Variants in PAXX observed in about 807,000 individuals in gnomAD.
PAXX encodes the protein protein PAXX.
A neutral mutation model predicts 25.6 loss-of-function variants in PAXX; 27 were observed. The observed-to-expected ratio is 1.06, with a 90% confidence interval of 0.78 to 1.46. PAXX has a LOEUF of 1.46. Among genes scored for constraint, PAXX ranks in the 40% most tolerant of loss-of-function variants. PAXX has a pLI of 0.00. For synonymous variants in PAXX, 126 were observed against 125.7 expected, an observed-to-expected ratio of 1.00 and a Z score of -0.02; for missense variants, 295 against 280.2, an observed-to-expected ratio of 1.05 and a Z score of -0.38.
chr9:136,993,474 C>T, intron 5 of PAXX, 63 bp downstream of exon 5: 1 of 1,596,088 alleles, frequency 6.3e-7, no homozygotes, highest in South Asian at 1.1e-5. Context: ...CTCAGTTTCC[C>T]CCCAAACAAG....
Position 136,993,248 on chromosome 9 carries a change from G to C in PAXX, c.421+5G>C. On this transcript the variant is annotated splice_donor_5th_base_variant and intron_variant, in intron 4 of 6. Coordinates refer to ENST00000371620, the MANE Select transcript of PAXX (RefSeq NM_183241.3). ...GCCTGGAGCGGCGACTGGCAGGTAGGATTGGGGGTGGGCACCTCATACCTT... is the reference window on the plus strand; with the variant it reads ...GCCTGGAGCGGCGACTGGCAGGTAGCATTGGGGGTGGGCACCTCATACCTT... The C allele has an allele frequency of 1.3e-6, 2 of 1,545,332 alleles. No individual in the cohort carries two copies. Among genetic ancestry groups the C allele is most frequent in the Non-Finnish European group, 1.7e-6 (2 of 1,149,066 alleles).
chr9:136,993,496 A>G, intron 5 of PAXX, 84 bp from the exon 6 acceptor site: 1 of 1,599,362 alleles, frequency 6.3e-7, no homozygotes, highest in East Asian at 2.2e-5. Flanking sequence ...CTCACGCTCC[A>G]GAGAGAATGC....
rs2131408670 is a variant in PAXX at position 136,993,907 on chromosome 9, TG to T, written c.*103del. 8.4e-7 allele frequency: 1 copy of T among 1,186,056 alleles called. No individual in the cohort carries two copies. The highest frequency in any genetic ancestry group is 2.5e-5 in the East Asian group (1 of 40,054). 73.5% of individuals were successfully genotyped at this position (1,186,056 alleles called of 1,614,324 possible). On this transcript the variant is annotated 3_prime_UTR_variant, in exon 7 of 7. Transcript: ENST00000371620. The stretch of plus-strand genomic sequence containing the variant: ...CCCCCCGCCACCACCTCCACCTGCC[TG>T]TCCTGGGCCAGGACTAACACGGCTC...
chr9:136,992,548 C>G lies in PAXX; in HGVS notation c.105C>G (p.Gly35=). ...AGGAAAGCGGGGAGGGGGACCGCGGCGGCTTCAACCTCTAGTGAGTGGGGG... is the reference window on the plus strand; with the variant it reads ...AGGAAAGCGGGGAGGGGGACCGCGGGGGCTTCAACCTCTAGTGAGTGGGGG... ...EGEESGEGDR[G]GFNLYVTDAA... The change falls in exon 1 of 7, where the codon GGC becomes GGG. Residue 35 remains glycine, a synonymous_variant. Coordinates refer to ENST00000371620, the MANE Select transcript of PAXX (RefSeq NM_183241.3). The G allele has an allele frequency of 2.0e-6, 3 of 1,463,736 alleles. No individual in the cohort carries two copies. The highest frequency in any genetic ancestry group is 2.7e-6 in the Non-Finnish European group (3 of 1,102,566). The allele number at this position is 1,463,736 out of a possible 1,614,324, so 90.7% of individuals were successfully genotyped here.
In PAXX at chr9:136,993,870, C is replaced by A. The variant is rs1286911977; in HGVS notation, c.*65C>A. The A allele has an allele frequency of 3.2e-6, 5 of 1,548,272 alleles. No individual in the cohort carries two copies. The highest frequency in any genetic ancestry group is 4.4e-6 in the Non-Finnish European group (5 of 1,134,448). On this transcript the variant is annotated 3_prime_UTR_variant, in exon 7 of 7. Transcript: ENST00000371620. ...TGAGGGGAGAGGCAGTCTTTGAGGCCCCCATCAGAGACCCCCCGCCACCAC... is the reference window on the plus strand; with the variant it reads ...TGAGGGGAGAGGCAGTCTTTGAGGCACCCATCAGAGACCCCCCGCCACCAC...
Position 136,993,072 on chromosome 9 carries a change from G to C in PAXX, c.250G>C (p.Ala84Pro). The C allele has an allele frequency of 1.2e-6, 2 of 1,611,808 alleles. No individual in the cohort carries two copies. The highest frequency in any genetic ancestry group is 3.3e-5 in the Admixed American group (2 of 59,996). ...TCCCAGGGCAGCCTGTGAGCAGCAA[G>C]CTGTGGCTCTGACTCTGCAGGAGGA... ...PRFRAACEQQ[A>P]VALTLQEDRA... Residue 84 changes from alanine to proline, a missense_variant, in exon 4 of 7, where the codon GCT becomes CCT. Transcript: ENST00000371620.
chr9:136,993,271 C>G, intron 4 of PAXX, 28 bp downstream of exon 4: 1 of 1,561,592 alleles, frequency 6.4e-7, no homozygotes, highest in Non-Finnish European at 8.7e-7. Flanking sequence ...CACCTCATAC[C>G]TTCACTGGGG....
Position 136,992,543 on chromosome 9 carries a change from C to T in PAXX, c.100C>T (p.Arg34Cys). Residue 34 changes from arginine (R) to cysteine (C), a missense_variant, in exon 1 of 7, where the codon CGC becomes TGC. Coordinates refer to ENST00000371620, the MANE Select transcript of PAXX (RefSeq NM_183241.3). Reference protein sequence around the residue: ...CEGEESGEGDRGGFNLYVTDA... With the variant: ...CEGEESGEGDCGGFNLYVTDA... ...AGGGGAGGAAAGCGGGGAGGGGGAC[C>T]GCGGCGGCTTCAACCTCTAGTGAGT... 1.4e-6 allele frequency: 2 copies of T among 1,462,252 alleles called. No homozygotes were observed. Among genetic ancestry groups the T allele is most frequent in the Non-Finnish European group, 1.8e-6 (2 of 1,101,778 alleles). The allele number at this position is 1,462,252 out of a possible 1,614,324, so 90.6% of individuals were successfully genotyped here.
At position 136,992,649 on chromosome 9, in the gene PAXX, C is replaced by G; in HGVS notation, c.129C>G (p.Asp43Glu). 1 of 1,541,384 alleles carries G rather than the reference C, an allele frequency of 6.5e-7. No individual in the cohort carries two copies. Among genetic ancestry groups the G allele is most frequent in the Non-Finnish European group, 8.7e-7 (1 of 1,146,732 alleles). Residue 43 changes from aspartate to glutamate, a missense_variant, in exon 2 of 7, where the codon GAC becomes GAG. By Grantham distance (45) the Asp-to-Glu change is conservative. Transcript: ENST00000371620. ...AGGCCTTCTCCCCCAGCGTGACCGACGCCGCGGAGCTTTGGAGCACCTGCT... is the reference window on the plus strand; with the variant it reads ...AGGCCTTCTCCCCCAGCGTGACCGAGGCCGCGGAGCTTTGGAGCACCTGCT... ...DRGGFNLYVT[D>E]AAELWSTCFT...
chr9:136,993,476 C>T, intron 5 of PAXX, 65 bp downstream of exon 5: 1 of 1,595,140 alleles, frequency 6.3e-7, no homozygotes, highest in Non-Finnish European at 8.6e-7. Context: ...CAGTTTCCCC[C>T]CAAACAAGAC....
Position 136,993,384 on chromosome 9 carries a change from C to T in PAXX, c.463C>T (p.Pro155Ser), listed in dbSNP as rs1304676900. The change falls in exon 5 of 7, where the codon CCT (proline) becomes TCT (serine). Residue 155 changes from proline (P) to serine (S), a missense_variant. Pro to Ser is a moderately conservative substitution (Grantham distance 74). Transcript: ENST00000371620. ...TAVSPRKSPR[P>S]AGPQLFLPDP... is the part of the protein sequence containing the mutation. ...TGTCAGCCCGAGGAAGAGCCCCCGG[C>T]CTGCAGGGCCTCAGCTCTTCTTACC... The T allele has an allele frequency of 1.2e-6, 2 of 1,606,334 alleles. No homozygotes were observed. Among genetic ancestry groups the T allele is most frequent in the African/African-American group, 2.7e-5 (2 of 74,802 alleles).
chr9:136,992,583 A>C (rs894203700), intron 1 of PAXX, 21 bp downstream of exon 1: 42 of 1,513,656 alleles, frequency 2.8e-5, no homozygotes, highest in Non-Finnish European at 3.6e-5. Context: ...GTCCGCGGGG[A>C]GGTAGGGGTG....
Position 136,993,857 on chromosome 9 carries a change from C to A in PAXX, c.*52C>A, listed in dbSNP as rs1186644041. The A allele has an allele frequency of 2.5e-6, 4 of 1,597,412 alleles. No homozygotes were observed. Among genetic ancestry groups the A allele is most frequent in the Non-Finnish European group, 3.4e-6 (4 of 1,172,104 alleles). On this transcript the variant is annotated 3_prime_UTR_variant, in exon 7 of 7. Transcript: ENST00000371620. ...GGGAGTCCGCCTATGAGGGGAGAGG[C>A]AGTCTTTGAGGCCCCCATCAGAGAC...
chr9:136,992,623 C>T lies in PAXX; in HGVS notation c.120-17C>T. On this transcript the variant is annotated splice_polypyrimidine_tract_variant and intron_variant, in intron 1 of 6. Transcript: ENST00000371620. Reference sequence around the variant, plus strand: ...GAGCTCCGCGGGCGGCCCCGCCTGACAGGCCTTCTCCCCCAGCGTGACCGA... The same window carrying T: ...GAGCTCCGCGGGCGGCCCCGCCTGATAGGCCTTCTCCCCCAGCGTGACCGA... 1.3e-6 allele frequency: 2 copies of T among 1,538,744 alleles called. No individual in the cohort carries two copies. Among genetic ancestry groups the T allele is most frequent in the Non-Finnish European group, 1.7e-6 (2 of 1,143,584 alleles).
At position 136,992,670 on chromosome 9, in the gene PAXX, C is replaced by T; in HGVS notation, c.150C>T (p.Thr50=). 1 of 1,540,782 alleles carries T rather than the reference C, an allele frequency of 6.5e-7. No homozygotes were observed. Among genetic ancestry groups the T allele is most frequent in the Non-Finnish European group, 8.7e-7 (1 of 1,146,880 alleles). ...YVTDAAELWS[T]CFTPDSLAAL... ...CCGACGCCGCGGAGCTTTGGAGCACCTGCTTCACGCCGGACAGCCTGGCGG... is the reference window on the plus strand; with the variant it reads ...CCGACGCCGCGGAGCTTTGGAGCACTTGCTTCACGCCGGACAGCCTGGCGG... Residue 50 remains threonine (T), a synonymous_variant, in exon 2 of 7, where the codon ACC becomes ACT. Transcript: ENST00000371620.
At chr9:136,993,458 C>T (rs1830633652) in intron 5 of PAXX, 47 bp downstream of exon 5, 15 of 1,596,450 alleles carry the variant, frequency 9.4e-6, no homozygotes, top group East Asian at 4.5e-5. Context: ...GCTCTTTAAC[C>T]TGGAACTCAG....
Position 136,992,433 on chromosome 9 carries a change from C to A in PAXX, c.-11C>A. 8.5e-7 allele frequency: 1 copy of A among 1,175,580 alleles called. No individual in the cohort carries two copies. The highest frequency in any genetic ancestry group is 1.1e-6 in the Non-Finnish European group (1 of 894,072). The allele number at this position is 1,175,580 out of a possible 1,614,324, so 72.8% of individuals were successfully genotyped here. Reference sequence around the variant, plus strand: ...AGCCCCGCCCCGCCGGGTTCCCGCTCGCCCGGCGCCATGGATCCGCTGTCG... The same window carrying A: ...AGCCCCGCCCCGCCGGGTTCCCGCTAGCCCGGCGCCATGGATCCGCTGTCG... On this transcript the variant is annotated 5_prime_UTR_variant, in exon 1 of 7. Transcript: ENST00000371620.
In PAXX at chr9:136,992,521, G is replaced by T; in HGVS notation, c.78G>T (p.Gly26=). The change falls in exon 1 of 7, where the codon GGG becomes GGT. Residue 26 remains glycine, a synonymous_variant. Coordinates refer to ENST00000371620, the MANE Select transcript of PAXX (RefSeq NM_183241.3). Reference sequence around the variant, plus strand: ...CCCGCTTCGTGTGCTACTGCGAAGGGGAGGAAAGCGGGGAGGGGGACCGCG... The same window carrying T: ...CCCGCTTCGTGTGCTACTGCGAAGGTGAGGAAAGCGGGGAGGGGGACCGCG... ...EPPRFVCYCE[G]EESGEGDRGG... is the part of the protein sequence containing the mutation. 6.9e-7 allele frequency: 1 copy of T among 1,449,230 alleles called. No homozygotes were observed. The highest frequency in any genetic ancestry group is 2.7e-5 in the Admixed American group (1 of 37,694). 89.8% of individuals were successfully genotyped at this position (1,449,230 alleles called of 1,614,324 possible).
chr9:136,993,484 G>T, intron 5 of PAXX, 73 bp downstream of exon 5: 1 of 1,598,184 alleles, frequency 6.3e-7, no homozygotes, highest in South Asian at 1.1e-5. Flanking sequence ...CCCCAAACAA[G>T]ACTCACGCTC....
Sources: gnomAD v4.1 joint callset for allele counts on GRCh38, gnomAD v4.1.1 for gene constraint, MANE v1.5 for transcripts, NCBI Gene and HGNC (gene_info 2026-07-23, HGNC 2026-07-21) for gene names.